The following CADPS2 variants were observed in gnomAD, a reference collection of about 807,000 sequenced individuals.
The protein encoded by CADPS2 is calcium-dependent secretion activator 2.
Under a neutral mutation model 172.5 loss-of-function variants are expected in CADPS2, and 93 were observed. The ratio of observed to expected loss-of-function variants is 0.54; its 90% CI spans 0.46 to 0.64. The LOEUF (loss-of-function observed/expected upper bound fraction) is 0.64, where lower values mean the gene tolerates loss of function less well. Ranked by LOEUF, CADPS2 falls within the 30% of genes least tolerant of loss-of-function variation. The pLI is 0.00. For missense variants in CADPS2, 1,420 were observed against 1,565.9 expected (o/e 0.91, Z 1.57); for synonymous variants, 546 against 555.2 (o/e 0.98, Z 0.23).
rs373181814 is a variant in CADPS2, at chr7:122,486,230, C to A, written c.1852+3851G>T. On this transcript the variant is annotated intron_variant, in intron 11 of 29. Transcript: ENST00000449022. The stretch of plus-strand genomic sequence containing the variant: ...ATTTTATAAGGCTATAGCTGCCATA[C>A]ATAGTAATTCCTATGAGACATCTGG... Among the ~76,000 whole-genome samples the A allele has an allele frequency of 4.7e-4, 72 of 152,190 alleles. 1 individual carries two copies. Among genetic ancestry groups the A allele is most frequent in the African/African-American group, 1.5e-3 (63 of 41,508 alleles).
chr7:122,624,710 A>G (rs1014911772), intron 4 of CADPS2, among the ~76,000 whole-genome samples: 1 of 152,190 alleles, frequency 6.6e-6, no homozygotes, highest in African/African-American at 2.4e-5. Flanking sequence ...GAGTCTACAA[A>G]TAATTCAAGA....
At chr7:122,577,673 C>T (rs1049229142) in intron 7 of CADPS2, among the ~76,000 whole-genome samples, 1 of 152,082 alleles carries the variant, frequency 6.6e-6, no homozygotes, top group Non-Finnish European at 1.5e-5. Context: ...TGGTAAATAT[C>T]TAGGAGTACA....
At chr7:122,543,564 A>T (rs2063316464) in intron 8 of CADPS2, among the ~76,000 whole-genome samples, 1 of 152,144 alleles carries the variant, frequency 6.6e-6, no homozygotes, top group Admixed American at 6.6e-5. Context: ...GTGAACAATA[A>T]GGTCCAGCCC....
At chr7:122,366,698 TAC>T (rs1491024263) in intron 25 of CADPS2, 2 of 147,382 alleles carry the variant, frequency 1.4e-5, no homozygotes, top group African/African-American at 4.9e-5. Flanking sequence ...TATATATATA[TAC>T]GTATACATAT....
intron 1 of CADPS2, among the ~76,000 whole-genome samples, chr7:122,822,350 C>A (rs574068089): frequency 6.6e-6 from 1 of 152,038 alleles, no homozygotes; most frequent in Non-Finnish European, 1.5e-5. Context: ...AATATCCCCA[C>A]AATATCACCC....
At chr7:122,723,455 A>C (rs1270356096) in intron 2 of CADPS2, among the ~76,000 whole-genome samples, 2 of 152,230 alleles carry the variant, frequency 1.3e-5, no homozygotes, top group Admixed American at 6.5e-5. Flanking sequence ...CATCAGAGAA[A>C]TGCAAATCAA....
At chr7:122,436,606 T>C (rs1317159905) in intron 17 of CADPS2, among the ~76,000 whole-genome samples, 1 of 152,024 alleles carries the variant, frequency 6.6e-6, no homozygotes, top group Non-Finnish European at 1.5e-5. Flanking sequence ...ATTTTGTTGT[T>C]GCTATTTTTT....
intron 20 of CADPS2, among the ~76,000 whole-genome samples, chr7:122,406,894 G>T (rs1354183352): frequency 6.6e-6 from 1 of 152,118 alleles, no homozygotes; most frequent in Non-Finnish European, 1.5e-5. Context: ...AGCATCACAG[G>T]AAAGGCCTAG....
intron 7 of CADPS2, among the ~76,000 whole-genome samples, chr7:122,558,378 T>C (rs1013725456): frequency 6.6e-6 from 1 of 152,184 alleles, no homozygotes; most frequent in African/African-American, 2.4e-5. Context: ...CAAATAACTT[T>C]TAATATTATT....
chr7:122,475,301 G>GTGT (rs2056498093), intron 12 of CADPS2, among the ~76,000 whole-genome samples: 1 of 152,188 alleles, frequency 6.6e-6, no homozygotes, highest in Non-Finnish European at 1.5e-5. Flanking sequence ...GAGTGCTGGG[G>GTGT]TGTTATTACA....
At chr7:122,701,851 A>G (rs2086148952) in intron 2 of CADPS2, 1 of 1,591,210 alleles carries the variant, frequency 6.3e-7, no homozygotes, top group Non-Finnish European at 8.6e-7. Flanking sequence ...TCAGGATGTC[A>G]CACTTGCACA....
chr7:122,727,576 T>C (rs2091236234), intron 2 of CADPS2, among the ~76,000 whole-genome samples: 1 of 151,730 alleles, frequency 6.6e-6, no homozygotes, highest in Non-Finnish European at 1.5e-5. Context: ...CACTCTCAGT[T>C]TCACCTAAAA....
rs1564124479 is a variant in CADPS2 at position 122,705,905 on chromosome 7, A to AT, written c.453+31049_453+31050insA. On this transcript the variant is annotated intron_variant, in intron 2 of 29. Coordinates refer to ENST00000449022, the MANE Select transcript of CADPS2 (RefSeq NM_017954.11). Reference sequence around the variant, plus strand: ...ATATAATAAATATAATATAATATATAATATATTATATAATATAATATATAA... The same window carrying AT: ...ATATAATAAATATAATATAATATATATATATATTATATAATATAATATATAA... Among the ~76,000 whole-genome samples the AT allele has an allele frequency of 5.5e-4, 2 of 3,606 alleles. 1 individual carries two copies. The highest frequency in any genetic ancestry group is 1.1e-3 in the African/African-American group (2 of 1,784). The allele number at this position is 3,606 out of a possible 152,430, so 2.4% of individuals were successfully genotyped here. A position where few individuals can be genotyped will look rare whatever the true frequency, so the allele number is the denominator to read the frequency against.
At chr7:122,863,754 G>A (rs778864458) in intron 1 of CADPS2, among the ~76,000 whole-genome samples, 17 of 152,186 alleles carry the variant, frequency 1.1e-4, no homozygotes, top group African/African-American at 3.6e-4. Context: ...GATAAGCCAG[G>A]TGCAGTGGCT....
chr7:122,461,742 G>A (rs1015307947), intron 14 of CADPS2, among the ~76,000 whole-genome samples: 4 of 152,080 alleles, frequency 2.6e-5, no homozygotes, highest in South Asian at 4.1e-4. Flanking sequence ...CGACAGGTGC[G>A]TGGCACCATG....
Position 122,319,459 on chromosome 7 carries a change from C to T in CADPS2, c.*706G>A, listed in dbSNP as rs1445216364. 9.2e-5 allele frequency: 14 copies of T among 152,112 alleles called. No individual in the cohort carries two copies. Among genetic ancestry groups the T allele is most frequent in the Admixed American group, 9.2e-4 (14 of 15,272 alleles). 9.4% of individuals were successfully genotyped at this position (152,112 alleles called of 1,614,324 possible). A position where few individuals can be genotyped will look rare whatever the true frequency, so the allele number is the denominator to read the frequency against. ...ATACTGGAGCAGGAGAATATGGTAT[C>T]TTGACGGAAGCACACTTGCTACCCC... On this transcript the variant is annotated 3_prime_UTR_variant, in exon 30 of 30. Coordinates refer to ENST00000449022, the MANE Select transcript of CADPS2 (RefSeq NM_017954.11).
intron 3 of CADPS2, among the ~76,000 whole-genome samples, chr7:122,648,441 A>G (rs956086467): frequency 6.6e-6 from 1 of 152,218 alleles, no homozygotes; most frequent in East Asian, 1.9e-4. Flanking sequence ...TGACTTCAGC[A>G]TACACAAAAC....
At chr7:122,724,348 C>G (rs1191898109) in intron 2 of CADPS2, among the ~76,000 whole-genome samples, 1 of 151,894 alleles carries the variant, frequency 6.6e-6, no homozygotes, top group African/African-American at 2.4e-5. Flanking sequence ...ATTATTTACT[C>G]AGATTAATTG....
At chr7:122,820,750 G>A (rs1444080721) in intron 1 of CADPS2, among the ~76,000 whole-genome samples, 4 of 133,630 alleles carry the variant, frequency 3.0e-5, no homozygotes, top group African/African-American at 8.6e-5. Context: ...TAGTAGAGAC[G>A]GGGTTTCACC....
Sources: allele counts gnomAD v4.1 joint callset (sites outside exome capture counted in the v4.1 genomes callset), GRCh38; gene constraint gnomAD v4.1.1; transcripts MANE v1.5; gene names NCBI Gene and HGNC (gene_info 2026-07-23, HGNC 2026-07-21).